The following RASSF6 variants were observed in gnomAD, a reference collection of about 807,000 sequenced individuals.
RASSF6 encodes the protein ras association domain-containing protein 6.
In RASSF6, 52 loss-of-function variants were observed where a neutral mutation model predicts 44.0. That is an observed-to-expected ratio of 1.18 (90% CI 0.95 to 1.49). The LOEUF (loss-of-function observed/expected upper bound fraction) is 1.49, where lower values mean the gene tolerates loss of function less well. RASSF6 is among the 40% of genes most tolerant of loss of function. The probability of loss-of-function intolerance (pLI) is 0.00; values close to 1 mark genes in which losing one functional copy is unlikely to be tolerated. For missense variants in RASSF6, 464 were observed against 393.3 expected (o/e 1.18, Z -1.52); for synonymous variants, 162 against 124.6 (o/e 1.30, Z -2.00).
chr4:73,580,378 G>A (rs1362498495), intron 8 of RASSF6, among the ~76,000 whole-genome samples: 1 of 148,728 alleles, frequency 6.7e-6, no homozygotes, highest in African/African-American at 2.5e-5. Flanking sequence ...AGTCCTTTGG[G>A]TATATACCCA....
At chr4:73,593,642 A>T (rs756317288) in intron 3 of RASSF6, 49 bp from the exon 4 acceptor site, 4 of 1,550,634 alleles carry the variant, frequency 2.6e-6, no homozygotes, top group Non-Finnish European at 1.8e-6. Context: ...TTATTTATAG[A>T]CGGTAAATGT....
chr4:73,579,854 C>CTTTAT lies in RASSF6; in HGVS notation c.721+1958_721+1962dup, dbSNP rs949014608. On this transcript the variant is annotated intron_variant, in intron 8 of 10. Transcript: ENST00000307439. ...CCTTAGAATTTTCCAAAAAATAGAT[C>CTTTAT]TTTATTTTATTTTATTTTATTTTTA... is the stretch of plus-strand genomic sequence containing the variant. Among the ~76,000 whole-genome samples, 6 of 151,482 alleles carry CTTTAT rather than the reference C, an allele frequency of 4.0e-5. No homozygotes were observed. The South Asian group carries it at 6.2e-4, about 16-fold the overall frequency.
intron 8 of RASSF6, among the ~76,000 whole-genome samples, chr4:73,581,269 TTCTC>T (rs1035740463): frequency 6.3e-4 from 96 of 152,186 alleles, no homozygotes; most frequent in Non-Finnish European, 1.2e-3. Flanking sequence ...GTTTTCTCTA[TTCTC>T]TCTATTATGC....
chr4:73,620,494 A>G (rs769664243), upstream of RASSF6: 43 of 1,546,088 alleles, frequency 2.8e-5, no homozygotes, highest in African/African-American at 5.6e-4. Context: ...GTCTCCTCCC[A>G]GAGCATGGCT....
At chr4:73,593,376 CCTT>C (rs1490730499) in intron 4 of RASSF6, 72 bp downstream of exon 4, 14 of 1,370,432 alleles carry the variant, frequency 1.0e-5, no homozygotes, top group Admixed American at 4.4e-5. Flanking sequence ...AAGTTTCCCT[CCTT>C]AAGAGTGCAC....
rs566373392 is a variant in RASSF6, at chr4:73,614,460, T to A, written c.-34-2631A>T. On this transcript the variant is annotated intron_variant, in intron 1 of 10. Coordinates refer to ENST00000307439, the MANE Select transcript of RASSF6 (RefSeq NM_177532.5). Reference sequence around the variant, plus strand: ...AAGCTGCCTGGACCCTTCCACCATGTCAGAGCATAGCAAAAAGACCATCTA... The same window carrying A: ...AAGCTGCCTGGACCCTTCCACCATGACAGAGCATAGCAAAAAGACCATCTA... 3.3e-5 allele frequency among the ~76,000 whole-genome samples: 5 copies of A among 152,294 alleles called. No individual in the cohort carries two copies. In the South Asian group the frequency reaches 6.2e-4, roughly 19 times the overall value.
intron 1 of RASSF6, among the ~76,000 whole-genome samples, chr4:73,616,946 A>G (rs1225703508): frequency 3.9e-5 from 6 of 152,230 alleles, no homozygotes; most frequent in Admixed American, 2.0e-4. Context: ...CAAAGCATCT[A>G]TAATTCCATC....
chr4:73,593,389 C>G, intron 4 of RASSF6, 62 bp downstream of exon 4: 1 of 1,454,122 alleles, frequency 6.9e-7, no homozygotes, highest in Non-Finnish European at 9.4e-7. Context: ...TAAGAGTGCA[C>G]GCAATAAAAC....
intron 8 of RASSF6, among the ~76,000 whole-genome samples, chr4:73,578,539 C>T (rs1272925031): frequency 6.6e-6 from 1 of 152,136 alleles, no homozygotes; most frequent in Non-Finnish European, 1.5e-5. Context: ...TCTGCATTAC[C>T]CTTTGAGTGT....
intron 5 of RASSF6, among the ~76,000 whole-genome samples, chr4:73,586,202 T>C (rs948885132): frequency 6.6e-6 from 1 of 151,866 alleles, no homozygotes; most frequent in Non-Finnish European, 1.5e-5. Context: ...CACATTATGT[T>C]CTTTTTAGAA....
intron 3 of RASSF6, among the ~76,000 whole-genome samples, chr4:73,598,221 C>T (rs570190183): frequency 9.2e-5 from 14 of 152,208 alleles, no homozygotes; most frequent in African/African-American, 3.1e-4. Context: ...GAATCTAATG[C>T]ATTCATTTTA....
chr4:73,583,982 G>A (rs754743546), intron 6 of RASSF6, among the ~76,000 whole-genome samples: 1 of 152,046 alleles, frequency 6.6e-6, no homozygotes, highest in Non-Finnish European at 1.5e-5. Context: ...CTTGCTTGGA[G>A]CAATGTGGCT....
At chr4:73,603,839 T>C (rs190979019) in intron 2 of RASSF6, among the ~76,000 whole-genome samples, 8 of 152,344 alleles carry the variant, frequency 5.3e-5, no homozygotes, top group African/African-American at 1.7e-4. Flanking sequence ...AAATATTAGT[T>C]GTACTAAGAG....
chr4:73,588,771 C>CATTG (rs1724294779), intron 4 of RASSF6, among the ~76,000 whole-genome samples: 1 of 96,838 alleles, frequency 1.0e-5, no homozygotes, highest in Non-Finnish European at 2.3e-5. Flanking sequence ...TATAATTATC[C>CATTG]TCATCTCCAT....
intron 2 of RASSF6, among the ~76,000 whole-genome samples, chr4:73,603,489 G>A (rs1725417220): frequency 6.6e-6 from 1 of 152,072 alleles, no homozygotes; most frequent in Admixed American, 6.6e-5. Context: ...GCAGGTCAGG[G>A]GGAGGGATGC....
intron 5 of RASSF6, among the ~76,000 whole-genome samples, chr4:73,586,670 T>C (rs567852253): frequency 6.6e-6 from 1 of 152,186 alleles, no homozygotes; most frequent in East Asian, 1.9e-4. Flanking sequence ...AGATATTTCT[T>C]CCTTCTCTAG....
At chr4:73,618,552 T>C (rs1348127152) in intron 1 of RASSF6, among the ~76,000 whole-genome samples, 3 of 152,154 alleles carry the variant, frequency 2.0e-5, no homozygotes, top group South Asian at 4.1e-4. Flanking sequence ...TTAATGAATA[T>C]TGGAACCCTA....
chr4:73,617,189 G>A (rs556760208), intron 1 of RASSF6, among the ~76,000 whole-genome samples: 6 of 152,292 alleles, frequency 3.9e-5, no homozygotes, highest in Admixed American at 6.5e-5. Flanking sequence ...AGAGGACTAA[G>A]CAGAATATGA....
At chr4:73,618,416 A>G (rs1726507790) in intron 1 of RASSF6, among the ~76,000 whole-genome samples, 3 of 152,094 alleles carry the variant, frequency 2.0e-5, no homozygotes, top group Admixed American at 2.0e-4. Flanking sequence ...ATTTATCTCA[A>G]TTGGGGCTAC....
Sources: gnomAD v4.1 joint callset for allele counts (sites outside exome capture counted in the v4.1 genomes callset) on GRCh38, gnomAD v4.1.1 for gene constraint, MANE v1.5 for transcripts, NCBI Gene and HGNC (gene_info 2026-07-23, HGNC 2026-07-21) for gene names.